CEP192: variants seen among roughly 807,000 people sequenced by gnomAD.
The protein encoded by CEP192 is centrosomal protein 192, also known as centrosomal protein of 192 kDa.
A neutral mutation model predicts 271.8 loss-of-function variants in CEP192; 151 were observed. That is an observed-to-expected ratio of 0.56 (90% confidence interval 0.49 to 0.64). The LOEUF (loss-of-function observed/expected upper bound fraction) is 0.64, where lower values mean the gene tolerates loss of function less well. CEP192 is among the 30% of genes least tolerant of loss of function. The pLI, the probability that CEP192 is intolerant of heterozygous loss-of-function variation, is 0.00. For missense variants in CEP192, 2,910 were observed against 3,020.5 expected, an observed-to-expected ratio of 0.96 and a Z score of 0.86; for synonymous variants, 995 against 1,076.5, an observed-to-expected ratio of 0.92 and a Z score of 1.48.
rs1249064753 is a variant in CEP192, at chr18:13,124,850, T to C, written c.*80T>C. ...ATCTTTCTACACTACAATTATGCTTTTGTATATATATTTTGTATGATGGAT... is the reference window on the plus strand; with the variant it reads ...ATCTTTCTACACTACAATTATGCTTCTGTATATATATTTTGTATGATGGAT... On this transcript the variant is annotated 3_prime_UTR_variant, in exon 45 of 45. Transcript: ENST00000506447. The C allele has an allele frequency of 5.2e-6, 6 of 1,152,304 alleles. No individual in the cohort carries two copies. The African/African-American group carries it at 6.2e-5, about 12-fold the overall frequency. The allele number at this position is 1,152,304 out of a possible 1,614,324, so 71.4% of individuals were successfully genotyped here.
At chr18:13,047,762 C>T (rs1270083618) in intron 15 of CEP192, among the ~76,000 whole-genome samples, 1 of 152,084 alleles carries the variant, frequency 6.6e-6, no homozygotes, top group Non-Finnish European at 1.5e-5. Flanking sequence ...CAGTTTTTTA[C>T]TCATGGTTCC....
intron 40 of CEP192, among the ~76,000 whole-genome samples, chr18:13,110,876 C>G (rs2040178182): frequency 6.6e-6 from 1 of 152,194 alleles, no homozygotes; most frequent in African/African-American, 2.4e-5. Context: ...AAGCATCCAG[C>G]ACGGGATAAA....
rs1336995731 is a variant in CEP192, at chr18:13,071,174, A to G, written c.5310A>G (p.Gln1770=). The G allele has an allele frequency of 1.9e-6, 3 of 1,614,154 alleles. No individual in the cohort carries two copies. In the South Asian group the frequency reaches 3.3e-5, roughly 18 times the overall value. The change falls in exon 28 of 45, where the codon CAA becomes CAG. Residue 1770 remains glutamine (Q), a synonymous_variant. Coordinates refer to ENST00000506447, the MANE Select transcript of CEP192 (RefSeq NM_032142.4). ...LDIPSILSNK[Q]FLAWGGVPLG... ...TTCCATCGATTTTGTCCAACAAACAATTTCTGGCTTGGGGAGGAGTCCCTC... is the reference window on the plus strand; with the variant it reads ...TTCCATCGATTTTGTCCAACAAACAGTTTCTGGCTTGGGGAGGAGTCCCTC...
intron 11 of CEP192, among the ~76,000 whole-genome samples, chr18:13,036,394 C>T (rs2035919553): frequency 1.3e-5 from 2 of 152,140 alleles, no homozygotes. Flanking sequence ...TGGGGAGCCT[C>T]CGTCATGTTT....
At chr18:13,010,815 C>T (rs1449985408) in intron 4 of CEP192, among the ~76,000 whole-genome samples, 4 of 151,514 alleles carry the variant, frequency 2.6e-5, no homozygotes, top group African/African-American at 2.4e-5. Context: ...CATTGCACTC[C>T]AGCCTGGGTA....
At position 13,095,430 on chromosome 18, in the gene CEP192, G is replaced by GA; in HGVS notation, c.6255-73_6255-72insA. 8 of 1,063,496 alleles carry GA rather than the reference G, an allele frequency of 7.5e-6. No homozygotes were observed. The South Asian group carries it at 1.2e-4, about 16-fold the overall frequency. The allele number at this position is 1,063,496 out of a possible 1,614,324, so 65.9% of individuals were successfully genotyped here. A position where few individuals can be genotyped will look rare whatever the true frequency, so the allele number is the denominator to read the frequency against. On this transcript the variant is annotated intron_variant, in intron 34 of 44. Coordinates refer to ENST00000506447, the MANE Select transcript of CEP192 (RefSeq NM_032142.4). The stretch of plus-strand genomic sequence containing the variant: ...AATATAAAAATATGTGATACAATCT[G>GA]GCCTTTTATCATTTTTAACTTCTCA...
intron 28 of CEP192, among the ~76,000 whole-genome samples, chr18:13,071,681 T>G (rs1483550960): frequency 6.6e-6 from 1 of 152,122 alleles, no homozygotes; most frequent in Admixed American, 6.5e-5. Flanking sequence ...AGGGGTACCT[T>G]AGGAAATGGG....
At chr18:13,110,149 C>G (rs1941677) in intron 40 of CEP192, among the ~76,000 whole-genome samples, 4,899 of 152,254 alleles carry the variant, frequency 0.032, 95 homozygotes, top group Middle Eastern at 0.095. Flanking sequence ...TAATTAAAAT[C>G]TAAATTTCGT....
chr18:13,113,470 G>A (rs2040296873), intron 40 of CEP192, 116 bp from the exon 41 acceptor site: 1 of 1,020,788 alleles, frequency 9.8e-7, no homozygotes, highest in Non-Finnish European at 1.5e-6. Context: ...AAACTAGCCA[G>A]TGCAAAAGCA....
In CEP192 at chr18:13,071,042, C is replaced by T; in HGVS notation, c.5178C>T (p.Ile1726=). The T allele has an allele frequency of 6.2e-7, 1 of 1,611,462 alleles. No individual in the cohort carries two copies. The highest frequency in any genetic ancestry group is 1.3e-5 in the African/African-American group (1 of 74,872). The change falls in exon 28 of 45, where the codon ATC becomes ATT. Residue 1726 remains isoleucine (I), a synonymous_variant. Coordinates refer to ENST00000506447, the MANE Select transcript of CEP192 (RefSeq NM_032142.4). ...CTTAGAATTCTTTCTTTCTTAGGATCTTGAAAATATTTGTGCAGCCATTTG... is the reference window on the plus strand; with the variant it reads ...CTTAGAATTCTTTCTTTCTTAGGATTTTGAAAATATTTGTGCAGCCATTTG... The part of the protein sequence containing the change: ...PKDPEACEER[I]LKIFVQPFGP...
At position 13,083,360 on chromosome 18, in the gene CEP192, C is replaced by A. The variant is rs151041819; in HGVS notation, c.5617-3657C>A. ...ACTTCTCTTCTCACTTTATTTCATT[C>A]ATTTGATCTTCAATCACTGATATCC... is the stretch of plus-strand genomic sequence containing the variant. On this transcript the variant is annotated intron_variant, in intron 30 of 44. Coordinates refer to ENST00000506447, the MANE Select transcript of CEP192 (RefSeq NM_032142.4). Among the ~76,000 whole-genome samples, 28 of 152,282 alleles carry A rather than the reference C, an allele frequency of 1.8e-4. No individual in the cohort carries two copies. The East Asian group carries it at 2.9e-3, about 16-fold the overall frequency.
intron 4 of CEP192, among the ~76,000 whole-genome samples, chr18:13,009,969 G>A (rs1486682614): frequency 6.6e-6 from 1 of 152,056 alleles, no homozygotes; most frequent in Non-Finnish European, 1.5e-5. Context: ...TATCAGCCTG[G>A]GCAACAAGGT....
chr18:13,073,377 T>G (rs2038114010), intron 30 of CEP192, among the ~76,000 whole-genome samples, 192 bp downstream of exon 30: 1 of 152,258 alleles, frequency 6.6e-6, no homozygotes, highest in African/African-American at 2.4e-5. Flanking sequence ...CAGCGTAGTA[T>G]TCCTATAAGT....
chr18:13,122,103 A>G (rs973937789), intron 44 of CEP192, among the ~76,000 whole-genome samples: 4 of 152,178 alleles, frequency 2.6e-5, no homozygotes, highest in Non-Finnish European at 4.4e-5. Context: ...AGCCTGGCCA[A>G]CATGTGAAAC....
chr18:12,992,279 C>A lies in CEP192; in HGVS notation c.-5+842C>A, dbSNP rs72874180. Among the ~76,000 whole-genome samples, 862 of 152,274 alleles carry A rather than the reference C, an allele frequency of 5.7e-3. 11 individuals carry two copies. Among genetic ancestry groups the A allele is most frequent in the South Asian group, 0.017 (82 of 4,822 alleles). On this transcript the variant is annotated intron_variant, in intron 1 of 44. Coordinates refer to ENST00000506447, the MANE Select transcript of CEP192 (RefSeq NM_032142.4). ...ACGGCAAGCCTTGAACAATAATATA[C>A]CAAATGCCTACCTAGTTTTAAAGTA...
chr18:13,047,579 G>C (rs1037002472), intron 15 of CEP192, among the ~76,000 whole-genome samples: 1 of 152,160 alleles, frequency 6.6e-6, no homozygotes, highest in African/African-American at 2.4e-5. Context: ...TTTTAAGCTT[G>C]CTGGTGCTTT....
Position 13,068,814 on chromosome 18 carries a change from C to T in CEP192, c.4823-38C>T, listed in dbSNP as rs1044881644. Reference sequence around the variant, plus strand: ...TGATGGCATTTAGAATTAAATAACTCTCTGGTCTCCAAGCTAAAAGAATGA... The same window carrying T: ...TGATGGCATTTAGAATTAAATAACTTTCTGGTCTCCAAGCTAAAAGAATGA... On this transcript the variant is annotated intron_variant, in intron 24 of 44. Transcript: ENST00000506447. 5 of 1,612,338 alleles carry T rather than the reference C, an allele frequency of 3.1e-6. No individual in the cohort carries two copies. The African/African-American group carries it at 5.3e-5, about 17-fold the overall frequency.
chr18:13,100,077 C>A (rs2039633723), intron 37 of CEP192, among the ~76,000 whole-genome samples: 1 of 151,928 alleles, frequency 6.6e-6, no homozygotes, highest in African/African-American at 2.4e-5. Context: ...AGAGTGGAGC[C>A]TAGAAGTGAT....
chr18:13,092,303 T>C (rs2039182848), intron 33 of CEP192, 74 bp from the exon 34 acceptor site: 8 of 1,052,140 alleles, frequency 7.6e-6, no homozygotes, highest in Admixed American at 4.7e-5. Flanking sequence ...GCTATAAATA[T>C]ACAAATGTAT....
Sources: gnomAD v4.1 joint callset for allele counts (sites outside exome capture counted in the v4.1 genomes callset) on GRCh38, gnomAD v4.1.1 for gene constraint, MANE v1.5 for transcripts, NCBI Gene and HGNC (gene_info 2026-07-23, HGNC 2026-07-21) for gene names.